Variants in MYT1L observed in about 807,000 individuals in gnomAD.
MYT1L encodes the protein myelin transcription factor 1 like, also known as myelin transcription factor 1-like protein.
In MYT1L, 12 loss-of-function variants were observed where a neutral mutation model predicts 126.7. The ratio of observed to expected loss-of-function variants is 0.09; its 90% CI spans 0.06 to 0.15. MYT1L has a LOEUF of 0.15. Among genes scored for constraint, MYT1L ranks in the 10% least tolerant of loss-of-function variants. The pLI is 1.00. For synonymous variants in MYT1L, 541 were observed against 604.2 expected, an observed-to-expected ratio of 0.90 and a Z score of 1.53; for missense variants, 979 against 1,585.2, an observed-to-expected ratio of 0.62 and a Z score of 6.49.
At chr2:1,863,748 G>A (rs1474053460) in intron 18 of MYT1L, among the ~76,000 whole-genome samples, 1 of 148,930 alleles carries the variant, frequency 6.7e-6, no homozygotes, top group Non-Finnish European at 1.5e-5. Context: ...AAAAGGGGGG[G>A]GCATTTGGGG....
In MYT1L at chr2:1,792,428, C is replaced by G; in HGVS notation, c.3313G>C (p.Glu1105Gln). Residue 1105 changes from glutamate (E) to glutamine (Q), a missense_variant, in exon 24 of 25, where the codon GAG becomes CAG. Physicochemically the swap from Glu to Gln is conservative, Grantham distance 29 (BLOSUM62 2). Coordinates refer to ENST00000647738, the MANE Select transcript of MYT1L (RefSeq NM_001303052.2). Reference sequence around the variant, plus strand: ...TGCTGCTCAATCACTTTGTTCTCCTCTTCGATGGTCTTCAGGTTGCTCTCC... The same window carrying G: ...TGCTGCTCAATCACTTTGTTCTCCTGTTCGATGGTCTTCAGGTTGCTCTCC... ...TMESNLKTIE[E>Q]ENKVIEQQNE... The G allele has an allele frequency of 1.9e-6, 3 of 1,613,826 alleles. No individual in the cohort carries two copies. In the South Asian group the frequency reaches 3.3e-5, roughly 18 times the overall value.
intron 4 of MYT1L, among the ~76,000 whole-genome samples, chr2:2,010,501 C>A (rs1327421052): frequency 6.6e-6 from 1 of 152,020 alleles, no homozygotes; most frequent in Non-Finnish European, 1.5e-5. Context: ...ATGGGAGGTG[C>A]CACTCTGCTG....
chr2:2,139,039 G>T (rs1350876589), intron 3 of MYT1L, among the ~76,000 whole-genome samples: 2 of 151,826 alleles, frequency 1.3e-5, no homozygotes, highest in Non-Finnish European at 2.9e-5. Context: ...GATTCTAGCA[G>T]GGAGATAATT....
At position 1,858,594 on chromosome 2, in the gene MYT1L, C is replaced by T. The variant is rs576010247; in HGVS notation, c.2712-6891G>A. On this transcript the variant is annotated intron_variant, in intron 18 of 24. Coordinates refer to ENST00000647738, the MANE Select transcript of MYT1L (RefSeq NM_001303052.2). Reference sequence around the variant, plus strand: ...CAGGAGCCCCCTTGGATTTGGTATCCTCAGGGGTCCTGGAACCAACCCCCC... The same window carrying T: ...CAGGAGCCCCCTTGGATTTGGTATCTTCAGGGGTCCTGGAACCAACCCCCC... Among the ~76,000 whole-genome samples the T allele has an allele frequency of 6.6e-5, 10 of 152,290 alleles. No homozygotes were observed. The South Asian group carries it at 2.1e-3, about 32-fold the overall frequency.
At chr2:2,242,250 T>C (rs1426107874) in intron 2 of MYT1L, among the ~76,000 whole-genome samples, 5 of 152,136 alleles carry the variant, frequency 3.3e-5, no homozygotes, top group Admixed American at 3.3e-4. Context: ...CCTCTGCCAA[T>C]CTCTGCAAAG....
At chr2:1,962,534 CAAGGAAGTTTCTCACATCGATCGAGACT>C (rs1380768987) in intron 8 of MYT1L, among the ~76,000 whole-genome samples, 1 of 152,130 alleles carries the variant, frequency 6.6e-6, no homozygotes. Flanking sequence ...TAAAATAAGA[CAAGGAAGTTTCTCACATCGATCGAGACT>C]TCCTTTCAAG....
chr2:1,859,274 C>A (rs542405306), intron 18 of MYT1L, among the ~76,000 whole-genome samples: 68 of 152,264 alleles, frequency 4.5e-4, no homozygotes, highest in African/African-American at 1.6e-3. Flanking sequence ...ATATATGTAA[C>A]CTGTAAACAA....
At chr2:1,826,201 G>C (rs2039310672) in intron 21 of MYT1L, 1 of 152,362 alleles carries the variant, frequency 6.6e-6, no homozygotes, top group Non-Finnish European at 1.5e-5. Context: ...ACAGGGCCTG[G>C]GTTTAAGCTG....
chr2:1,988,146 C>T (rs777505807), intron 5 of MYT1L, among the ~76,000 whole-genome samples: 7 of 151,588 alleles, frequency 4.6e-5, no homozygotes, highest in Non-Finnish European at 7.4e-5. Context: ...AGGGTAGAAA[C>T]GGTGCCACAT....
At chr2:1,827,075 G>A (rs986257446) in intron 21 of MYT1L, 15 of 152,318 alleles carry the variant, frequency 9.8e-5, no homozygotes, top group African/African-American at 3.6e-4. Flanking sequence ...TGGCCTCCAG[G>A]ACTAGAGATC....
chr2:1,908,339 C>T lies in MYT1L; in HGVS notation c.1817+1901G>A, dbSNP rs1319566249. On this transcript the variant is annotated intron_variant, in intron 13 of 24. Transcript: ENST00000647738. ...CCTGAAATCCCCACTCTGTGCTGGC[C>T]CCCGAGAGCAGGGCAGCCTGTAGGT... Among the ~76,000 whole-genome samples the T allele has an allele frequency of 2.0e-5, 3 of 152,162 alleles. No individual in the cohort carries two copies. The East Asian group carries it at 5.8e-4, about 29-fold the overall frequency.
chr2:2,127,227 T>A (rs1052139480), intron 3 of MYT1L, among the ~76,000 whole-genome samples: 1 of 152,136 alleles, frequency 6.6e-6, no homozygotes, highest in Non-Finnish European at 1.5e-5. Context: ...TTCTTCATCT[T>A]CTCCCTCCTC....
chr2:1,844,949 T>A (rs2042295029), intron 19 of MYT1L, among the ~76,000 whole-genome samples: 1 of 151,288 alleles, frequency 6.6e-6, no homozygotes, highest in Non-Finnish European at 1.5e-5. Context: ...CATCCACAGT[T>A]CATTTCTTAG....
rs189761504 is a variant in MYT1L, at chr2:2,094,818, T to C, written c.-303-40695A>G. Among the ~76,000 whole-genome samples the C allele has an allele frequency of 2.0e-3, 309 of 152,162 alleles. 1 individual carries two copies. Among genetic ancestry groups the C allele is most frequent in the Non-Finnish European group, 3.6e-3 (244 of 68,012 alleles). On this transcript the variant is annotated intron_variant, in intron 3 of 24. Coordinates refer to ENST00000647738, the MANE Select transcript of MYT1L (RefSeq NM_001303052.2). ...CGATAGCATTAGGAGATATACCTAT[T>C]GTAAATGATGAGTTAATGGGTGTAG...
At chr2:1,842,114 G>T (rs2041811126) in intron 19 of MYT1L, 1 of 152,248 alleles carries the variant, frequency 6.6e-6, no homozygotes, top group Non-Finnish European at 1.5e-5. Context: ...TGGCACACGG[G>T]TGGGTCCAGG....
At chr2:2,315,088 A>G (rs892339550) in intron 1 of MYT1L, among the ~76,000 whole-genome samples, 2 of 152,236 alleles carry the variant, frequency 1.3e-5, no homozygotes, top group Non-Finnish European at 2.9e-5. Flanking sequence ...GGGACACTTC[A>G]GAGACTCACA....
At chr2:2,169,696 C>T (rs558217254) in intron 3 of MYT1L, among the ~76,000 whole-genome samples, 1 of 152,156 alleles carries the variant, frequency 6.6e-6, no homozygotes, top group Non-Finnish European at 1.5e-5. Flanking sequence ...GAAAACAGGC[C>T]GAATGGAATC....
intron 2 of MYT1L, among the ~76,000 whole-genome samples, chr2:2,203,543 A>C (rs1369654837): frequency 4.0e-5 from 6 of 151,798 alleles, no homozygotes; most frequent in African/African-American, 1.5e-4. Flanking sequence ...CCTAGGAATC[A>C]AACTTAGAAG....
In MYT1L at chr2:1,801,565, T is replaced by A; in HGVS notation, c.3276+131A>T. On this transcript the variant is annotated intron_variant, in intron 23 of 24. Coordinates refer to ENST00000647738, the MANE Select transcript of MYT1L (RefSeq NM_001303052.2). This position sits in a 1 kb window ranked among gnomAD's most constrained non-coding sequence, Gnocchi z 4.2. ...TCTGCGGAAGACCAATATCATAAGG[T>A]GGAAAAATAAAGGAAATAAAAGAGC... The A allele has an allele frequency of 1.5e-6, 1 of 645,450 alleles. No homozygotes were observed. Among genetic ancestry groups the A allele is most frequent in the East Asian group, 2.6e-5 (1 of 38,112 alleles). 40.0% of individuals were successfully genotyped at this position (645,450 alleles called of 1,614,324 possible).
Sources: allele counts gnomAD v4.1 joint callset (sites outside exome capture counted in the v4.1 genomes callset), GRCh38; gene constraint gnomAD v4.1.1; non-coding constraint Gnocchi (gnomAD v3.1); transcripts MANE v1.5; gene names NCBI Gene and HGNC (gene_info 2026-07-23, HGNC 2026-07-21).